The following NOP9 variants were observed in gnomAD, a reference collection of about 807,000 sequenced individuals.
NOP9 encodes nucleolar protein 9.
Under a neutral mutation model 63.0 loss-of-function variants are expected in NOP9, and 50 were observed. That is an observed-to-expected ratio of 0.79 (90% CI 0.63 to 1.00). The LOEUF is 1.00. Ranked by LOEUF, NOP9 falls within the 50% of genes least tolerant of loss-of-function variation. NOP9 has a pLI of 0.00. For synonymous variants in NOP9, 343 were observed against 332.8 expected, an observed-to-expected ratio of 1.03 and a Z score of -0.33; for missense variants, 758 against 803.0, an observed-to-expected ratio of 0.94 and a Z score of 0.68.
the NOP9 span, among the ~76,000 whole-genome samples, chr14:24,275,397 G>GTTA: frequency 6.6e-6 from 1 of 152,196 alleles, no homozygotes; most frequent in Admixed American, 6.5e-5. Context: ...GTTTGCAGAG[G>GTTA]TTAGTTTCTT....
Position 24,305,027 on chromosome 14 carries a change from G to C in NOP9, c.1843G>C (p.Ala615Pro). 5.6e-6 allele frequency: 9 copies of C among 1,607,142 alleles called. No homozygotes were observed. Among genetic ancestry groups the C allele is most frequent in the Non-Finnish European group, 7.6e-6 (9 of 1,177,096 alleles). The stretch of plus-strand genomic sequence containing the variant: ...GACTACCTTCCTAAAGCGGCGAGAG[G>C]CTTGGGAACAGCAGCAGGGTGCGGT... ...ALTTFLKRREAWEQQQGAVAK... is the reference protein window; with the variant it reads ...ALTTFLKRREPWEQQQGAVAK... Residue 615 changes from alanine (A) to proline (P), a missense_variant, in exon 10 of 10, where the codon GCT becomes CCT. Coordinates refer to ENST00000267425, the MANE Select transcript of NOP9 (RefSeq NM_174913.3).
chr14:24,286,849 C>A, the NOP9 span, among the ~76,000 whole-genome samples: 1 of 151,936 alleles, frequency 6.6e-6, no homozygotes, highest in Non-Finnish European at 1.5e-5. Flanking sequence ...GTCTCGGCCT[C>A]CCAAAGTGCT....
chr14:24,290,932 C>T, the NOP9 span: 1 of 1,614,052 alleles, frequency 6.2e-7, no homozygotes, highest in Non-Finnish European at 8.5e-7. Flanking sequence ...GGAGGCCAGC[C>T]AGCCCAGGCC....
At chr14:24,283,648 C>T in the NOP9 span, among the ~76,000 whole-genome samples, 2 of 152,144 alleles carry the variant, frequency 1.3e-5, no homozygotes, top group South Asian at 4.1e-4. Flanking sequence ...TAGGTACATG[C>T]CAGCCAGAGA....
chr14:24,287,186 C>T, the NOP9 span, among the ~76,000 whole-genome samples: 6 of 152,204 alleles, frequency 3.9e-5, no homozygotes, highest in East Asian at 5.8e-4. Flanking sequence ...TCATCGTGCC[C>T]GGTCCCCACT....
Position 24,302,085 on chromosome 14 carries a change from G to A in NOP9, c.929G>A (p.Arg310His), listed in dbSNP as rs1566411463. The A allele has an allele frequency of 2.5e-6, 4 of 1,613,830 alleles. No individual in the cohort carries two copies. Among genetic ancestry groups the A allele is most frequent in the Non-Finnish European group, 2.5e-6 (3 of 1,179,874 alleles). ...GCTGTGATTGGCTACCTGAGTACTC[G>A]CGGTTCCTCAGTAGATGGCAGGTAT... ...CNAVIGYLST[R>H]GSSVDGSPLL... The change falls in exon 4 of 10, where the codon CGC becomes CAC. Residue 310 changes from arginine to histidine, a missense_variant. Coordinates refer to ENST00000267425, the MANE Select transcript of NOP9 (RefSeq NM_174913.3).
chr14:24,297,869 C>T (rs1353374894), upstream of NOP9, among the ~76,000 whole-genome samples: 1 of 152,178 alleles, frequency 6.6e-6, no homozygotes, highest in Non-Finnish European at 1.5e-5. Context: ...CCACCTACCT[C>T]CTCCAGGACG....
chr14:24,297,776 T>C (rs2139104159), upstream of NOP9, among the ~76,000 whole-genome samples: 1 of 152,324 alleles, frequency 6.6e-6, no homozygotes, highest in Non-Finnish European at 1.5e-5. Flanking sequence ...ACAGCGTCCC[T>C]ATGCTTATGG....
chr14:24,279,326 A>C, the NOP9 span, among the ~76,000 whole-genome samples: 70 of 152,344 alleles, frequency 4.6e-4, no homozygotes, highest in African/African-American at 1.6e-3. Context: ...GAATGCTTGC[A>C]TTCTTTCTCT....
chr14:24,274,917 T>TC, the NOP9 span, among the ~76,000 whole-genome samples: 1 of 144,468 alleles, frequency 6.9e-6, no homozygotes, highest in Non-Finnish European at 1.5e-5. Flanking sequence ...TTTTTTTTTT[T>TC]TTTTTTTTTT....
chr14:24,291,255 G>A, the NOP9 span: 2 of 1,604,656 alleles, frequency 1.2e-6, no homozygotes, highest in Non-Finnish European at 1.7e-6. Context: ...TGGCAGGCAG[G>A]GGAGTATGCA....
rs1304062616 is a variant in NOP9, at chr14:24,299,969, G to A, written c.15G>A (p.Pro5=). The A allele has an allele frequency of 1.3e-6, 2 of 1,573,636 alleles. No individual in the cohort carries two copies. Among genetic ancestry groups the A allele is most frequent in the Non-Finnish European group, 8.6e-7 (1 of 1,159,834 alleles). The change falls in exon 1 of 10, where the codon CCG becomes CCA. Residue 5 remains proline (P), a synonymous_variant. Coordinates refer to ENST00000267425, the MANE Select transcript of NOP9 (RefSeq NM_174913.3). MGQG[P]RSPHKVGRRF... ...GCGAAGCACACATGGGGCAGGGTCCGCGCTCTCCACACAAGGTGGGGCGCC... is the reference window on the plus strand; with the variant it reads ...GCGAAGCACACATGGGGCAGGGTCCACGCTCTCCACACAAGGTGGGGCGCC...
At chr14:24,288,970 C>T in the NOP9 span, among the ~76,000 whole-genome samples, 6 of 151,926 alleles carry the variant, frequency 3.9e-5, no homozygotes, top group South Asian at 2.1e-4. Context: ...CATTCCACCA[C>T]GCCCAGCTAA....
At chr14:24,291,732 A>C in the NOP9 span, 5 of 1,216,646 alleles carry the variant, frequency 4.1e-6, no homozygotes, top group African/African-American at 7.4e-5. Flanking sequence ...AAGACCAAAG[A>C]GGCCAAAGAC....
At chr14:24,302,688 C>G (rs1378924563) in intron 5 of NOP9, among the ~76,000 whole-genome samples, 2 of 152,334 alleles carry the variant, frequency 1.3e-5, no homozygotes, top group African/African-American at 4.8e-5. Context: ...CACCCAGACT[C>G]TGGTACTTGG....
Position 24,301,842 on chromosome 14 carries a change from T to C in NOP9, c.808+120T>C, listed in dbSNP as rs73589697. The C allele has an allele frequency of 8.2e-4, 1,199 of 1,457,802 alleles. 10 individuals carry two copies. The African/African-American group carries it at 0.015, about 18-fold the overall frequency. The allele number at this position is 1,457,802 out of a possible 1,614,324, so 90.3% of individuals were successfully genotyped here. On this transcript the variant is annotated intron_variant, in intron 3 of 9. Coordinates refer to ENST00000267425, the MANE Select transcript of NOP9 (RefSeq NM_174913.3). The stretch of plus-strand genomic sequence containing the variant: ...TTTCAAACCTGGTCTGGTTTGACGT[T>C]CAGAGCACTTTGTATAGTCCCTTTG...
At chr14:24,302,549 T>A in intron 5 of NOP9, 125 bp downstream of exon 5, 1 of 969,454 alleles carries the variant, frequency 1.0e-6, no homozygotes, top group Non-Finnish European at 1.5e-6. Flanking sequence ...AAAGCTATTC[T>A]TTGAGGTTTT....
chr14:24,296,818 G>A (rs747329375), upstream of NOP9: 29 of 1,614,078 alleles, frequency 1.8e-5, no homozygotes, highest in East Asian at 4.5e-5. Flanking sequence ...AACAGGCTTC[G>A]CACTTCACTC....
At chr14:24,304,914 A>G in intron 9 of NOP9, 24 bp from the exon 10 acceptor site, 1 of 1,513,578 alleles carries the variant, frequency 6.6e-7, no homozygotes, top group Non-Finnish European at 8.8e-7. Flanking sequence ...TGGTAGTACT[A>G]AACATGAGTG....
Sources: allele counts gnomAD v4.1 joint callset (sites outside exome capture counted in the v4.1 genomes callset), GRCh38; gene constraint gnomAD v4.1.1; transcripts MANE v1.5; gene names NCBI Gene and HGNC (gene_info 2026-07-23, HGNC 2026-07-21).